Variants in STK25 observed in about 807,000 individuals in gnomAD.
STK25 encodes the protein serine/threonine kinase 25, also known as serine/threonine-protein kinase 25.
STK25 carries 29 observed loss-of-function variants against 53.8 expected under a neutral mutation model. That is an observed-to-expected ratio of 0.54 (90% CI 0.40 to 0.74). The LOEUF is 0.74. Among genes scored for constraint, STK25 ranks in the 30% least tolerant of loss-of-function variants. STK25 has a pLI of 0.00. For missense variants in STK25, 420 were observed against 568.0 expected, an observed-to-expected ratio of 0.74 and a Z score of 2.65; for synonymous variants, 247 against 238.3, an observed-to-expected ratio of 1.04 and a Z score of -0.33.
Position 241,500,763 on chromosome 2 carries a change from C to A in STK25, c.295G>T (p.Gly99Cys), listed in dbSNP as rs375673846. 40 of 1,613,874 alleles carry A rather than the reference C, an allele frequency of 2.5e-5. No homozygotes were observed. The highest frequency in any genetic ancestry group is 1.7e-5 in the Admixed American group (1 of 59,986). The change falls in exon 4 of 12, where the codon GGC becomes TGC. Residue 99 changes from glycine (G) to cysteine (C), a missense_variant. Coordinates refer to ENST00000316586, the MANE Select transcript of STK25 (RefSeq NM_001271977.2). Reference sequence around the variant, plus strand: ...ACCAAGTCCAGTGCTGAGCCGCCGCCCAGGTACTCCATGATGATCCATAGC... The same window carrying A: ...ACCAAGTCCAGTGCTGAGCCGCCGCACAGGTACTCCATGATGATCCATAGC... ...TKLWIIMEYLGGGSALDLLKP... is the reference protein window; with the variant it reads ...TKLWIIMEYLCGGSALDLLKP...
chr2:241,493,697 C>T lies in STK25; in HGVS notation c.*1965G>A, dbSNP rs1432301447. The T allele has an allele frequency of 1.3e-5, 7 of 532,518 alleles. No individual in the cohort carries two copies. Among genetic ancestry groups the T allele is most frequent in the Middle Eastern group, 5.0e-4 (1 of 2,000 alleles). The allele number at this position is 532,518 out of a possible 1,614,324, so 33.0% of individuals were successfully genotyped here. A position where few individuals can be genotyped will look rare whatever the true frequency, so the allele number is the denominator to read the frequency against. On this transcript the variant is annotated 3_prime_UTR_variant, in exon 12 of 12. Coordinates refer to ENST00000316586, the MANE Select transcript of STK25 (RefSeq NM_001271977.2). The stretch of plus-strand genomic sequence containing the variant: ...ATAACCTGCACCTCCAGGGTTCAAG[C>T]GATTCTTCTGCCTCAGCCTCCTGAG...
At position 241,495,340 on chromosome 2, in the gene STK25, G is replaced by T. The variant is rs2065087732; in HGVS notation, c.*322C>A. 2.9e-6 allele frequency: 1 copy of T among 343,726 alleles called. No individual in the cohort carries two copies. The highest frequency in any genetic ancestry group is 5.6e-5 in the East Asian group (1 of 18,008). 21.3% of individuals were successfully genotyped at this position (343,726 alleles called of 1,614,324 possible). ...CTGCGCCTTGGTCTGAGCGGCCATAGGGCTGCATGAGTCTGCAGAAGACCC... is the reference window on the plus strand; with the variant it reads ...CTGCGCCTTGGTCTGAGCGGCCATATGGCTGCATGAGTCTGCAGAAGACCC... On this transcript the variant is annotated 3_prime_UTR_variant, in exon 12 of 12. Coordinates refer to ENST00000316586, the MANE Select transcript of STK25 (RefSeq NM_001271977.2).
chr2:241,494,058 G>A lies in STK25; in HGVS notation c.*1604C>T. 5.6e-6 allele frequency: 8 copies of A among 1,429,050 alleles called. No individual in the cohort carries two copies. Among genetic ancestry groups the A allele is most frequent in the Non-Finnish European group, 7.3e-6 (8 of 1,091,574 alleles). 88.5% of individuals were successfully genotyped at this position (1,429,050 alleles called of 1,614,324 possible). The stretch of plus-strand genomic sequence containing the variant: ...AGCAGCTCAGCCGGGAGGGCCCCAA[G>A]CATCGTGCAGGATGGCCCCCAACCC... On this transcript the variant is annotated 3_prime_UTR_variant, in exon 12 of 12. Coordinates refer to ENST00000316586, the MANE Select transcript of STK25 (RefSeq NM_001271977.2). The surrounding 1 kb of genome is among the most constrained non-coding windows in gnomAD (Gnocchi z 4.9).
In STK25 at chr2:241,500,776, G is replaced by C; in HGVS notation, c.282C>G (p.Ile94Met). ...SYLKSTKLWI[I>M]MEYLGGGSAL... ...CTGAGCCGCCGCCCAGGTACTCCAT[G>C]ATGATCCATAGCTTGGTGCTCTGGG... The change falls in exon 4 of 12, where the codon ATC (isoleucine) becomes ATG (methionine). Residue 94 changes from isoleucine (I) to methionine (M), a missense_variant. Physicochemically the swap from Ile to Met is conservative, Grantham distance 10. Transcript: ENST00000316586. The C allele has an allele frequency of 6.2e-7, 1 of 1,613,998 alleles. No homozygotes were observed. The highest frequency in any genetic ancestry group is 8.5e-7 in the Non-Finnish European group (1 of 1,179,946).
Position 241,492,998 on chromosome 2 carries a change from T to C in STK25, c.*2664A>G. The C allele has an allele frequency of 6.2e-7, 1 of 1,610,994 alleles. No homozygotes were observed. The highest frequency in any genetic ancestry group is 8.5e-7 in the Non-Finnish European group (1 of 1,177,172). ...TGGCTGGCAGAAGCTCTGGGTCGTC[T>C]TTACCAACTTCTGTTTGTTCTTCTA... On this transcript the variant is annotated 3_prime_UTR_variant, in exon 12 of 12. Coordinates refer to ENST00000316586, the MANE Select transcript of STK25 (RefSeq NM_001271977.2).
At chr2:241,506,244 A>G (rs754417282) in intron 2 of STK25, among the ~76,000 whole-genome samples, 2 of 152,234 alleles carry the variant, frequency 1.3e-5, no homozygotes, top group Non-Finnish European at 2.9e-5. Context: ...ACAGCCCCTC[A>G]GGTTTTCTGC....
intron 5 of STK25, 25 bp from the exon 6 acceptor site, chr2:241,499,439 G>A (rs375784712): frequency 1.9e-5 from 30 of 1,608,490 alleles, no homozygotes; most frequent in Non-Finnish European, 2.4e-5. Flanking sequence ...ACAGGCAGGC[G>A]TCATCCCAGG....
chr2:241,494,088 CAGGGCTGGA>C lies in STK25; in HGVS notation c.*1565_*1573del. 1 of 1,460,408 alleles carries C rather than the reference CAGGGCTGGA, an allele frequency of 6.8e-7. No individual in the cohort carries two copies. The highest frequency in any genetic ancestry group is 9.0e-7 in the Non-Finnish European group (1 of 1,112,184). 90.5% of individuals were successfully genotyped at this position (1,460,408 alleles called of 1,614,324 possible). A position where few individuals can be genotyped will look rare whatever the true frequency, so the allele number is the denominator to read the frequency against. On this transcript the variant is annotated 3_prime_UTR_variant, in exon 12 of 12. Coordinates refer to ENST00000316586, the MANE Select transcript of STK25 (RefSeq NM_001271977.2). This position sits in a 1 kb window ranked among gnomAD's most constrained non-coding sequence, Gnocchi z 4.9. ...GTGCAGGATGGCCCCCAACCCTCCT[CAGGGCTGGA>C]GGGGATGGTCAGGGGGAAGGAGGAA...
rs2065532277 is a variant in STK25 at position 241,501,836 on chromosome 2, ATTC to A, written c.31-131_31-129del. Reference sequence around the variant, plus strand: ...GGGGAGTCCAAGGGAGCGCACCTCAATTCTTCTCTGGTTTCTTCCTTTCTCCCT... The same window carrying A: ...GGGGAGTCCAAGGGAGCGCACCTCAATTCTCTGGTTTCTTCCTTTCTCCCT... On this transcript the variant is annotated intron_variant, in intron 2 of 11. Coordinates refer to ENST00000316586, the MANE Select transcript of STK25 (RefSeq NM_001271977.2). The surrounding 1 kb of genome is among the most constrained non-coding windows in gnomAD (Gnocchi z 5.3). 2 of 649,850 alleles carry A rather than the reference ATTC, an allele frequency of 3.1e-6. No individual in the cohort carries two copies. Among genetic ancestry groups the A allele is most frequent in the Non-Finnish European group, 5.3e-6 (2 of 378,004 alleles). The allele number at this position is 649,850 out of a possible 1,614,324, so 40.3% of individuals were successfully genotyped here.
Position 241,508,561 on chromosome 2 carries a change from G to T in STK25, c.-219C>A. The T allele has an allele frequency of 1.0e-6, 1 of 992,732 alleles. No homozygotes were observed. The highest frequency in any genetic ancestry group is 1.2e-6 in the Non-Finnish European group (1 of 834,226). The allele number at this position is 992,732 out of a possible 1,614,324, so 61.5% of individuals were successfully genotyped here. ...CCTCCCAGCCCGCGAAGCAACGGTG[G>T]TGGCGGCAGCGACCGGAGAAAGCCC... On this transcript the variant is annotated 5_prime_UTR_variant, in exon 1 of 12. Coordinates refer to ENST00000316586, the MANE Select transcript of STK25 (RefSeq NM_001271977.2).
Position 241,494,346 on chromosome 2 carries a change from A to T in STK25, c.*1316T>A. 5.6e-6 allele frequency: 2 copies of T among 355,704 alleles called. No individual in the cohort carries two copies. Among genetic ancestry groups the T allele is most frequent in the Non-Finnish European group, 1.0e-5 (2 of 193,944 alleles). The allele number at this position is 355,704 out of a possible 1,614,324, so 22.0% of individuals were successfully genotyped here. Reference sequence around the variant, plus strand: ...GCAGCTATCTGGGGCCCTGGGAAAAATGTGCGAGTCTTGAGCGCGGAGCCG... The same window carrying T: ...GCAGCTATCTGGGGCCCTGGGAAAATTGTGCGAGTCTTGAGCGCGGAGCCG... On this transcript the variant is annotated 3_prime_UTR_variant, in exon 12 of 12. Transcript: ENST00000316586. This position sits in a 1 kb window ranked among gnomAD's most constrained non-coding sequence, Gnocchi z 4.9.
rs2065957556 is a variant in STK25 at position 241,508,061 on chromosome 2, C to T, written c.-26G>A. On this transcript the variant is annotated 5_prime_UTR_variant, in exon 2 of 12. Coordinates refer to ENST00000316586, the MANE Select transcript of STK25 (RefSeq NM_001271977.2). ...GGCCGCGCCGCCTCAGACCCTCCGC[C>T]AGCAGCCCCAGGAGGCGTCTGGATC... The T allele has an allele frequency of 1.3e-6, 2 of 1,592,578 alleles. No individual in the cohort carries two copies. Among genetic ancestry groups the T allele is most frequent in the African/African-American group, 1.3e-5 (1 of 74,360 alleles).
Position 241,501,440 on chromosome 2 carries a change from C to G in STK25, c.261+38G>C. ...CTCTGACATGGAAGAGAGCCGGGCA[C>G]AGCACCAGCAGGGTCCCCGCCTCCC... On this transcript the variant is annotated intron_variant, in intron 3 of 11. Coordinates refer to ENST00000316586, the MANE Select transcript of STK25 (RefSeq NM_001271977.2). The surrounding 1 kb of genome is among the most constrained non-coding windows in gnomAD (Gnocchi z 5.3). The G allele has an allele frequency of 6.3e-7, 1 of 1,591,500 alleles. No individual in the cohort carries two copies. The highest frequency in any genetic ancestry group is 8.6e-7 in the Non-Finnish European group (1 of 1,162,814).
At position 241,494,962 on chromosome 2, in the gene STK25, G is replaced by A. The variant is rs554850407; in HGVS notation, c.*700C>T. ...TCTCTGCGTGCTGTGATGAGGACTCGGGACCAGGGACGCTGCAGCCCCGCA... is the reference window on the plus strand; with the variant it reads ...TCTCTGCGTGCTGTGATGAGGACTCAGGACCAGGGACGCTGCAGCCCCGCA... On this transcript the variant is annotated 3_prime_UTR_variant, in exon 12 of 12. Transcript: ENST00000316586. The surrounding 1 kb of genome is among the most constrained non-coding windows in gnomAD (Gnocchi z 4.9). 1 of 152,164 alleles carries A rather than the reference G, an allele frequency of 6.6e-6. No homozygotes were observed. The highest frequency in any genetic ancestry group is 2.4e-5 in the African/African-American group (1 of 41,510). The allele number at this position is 152,164 out of a possible 1,614,324, so 9.4% of individuals were successfully genotyped here. A position where few individuals can be genotyped will look rare whatever the true frequency, so the allele number is the denominator to read the frequency against.
At chr2:241,499,587 G>A (rs2065380494) in intron 5 of STK25, 173 bp from the exon 6 acceptor site, 1 of 778,816 alleles carries the variant, frequency 1.3e-6, no homozygotes, top group Non-Finnish European at 2.0e-6. Context: ...AGGGCCACAG[G>A]GGCACTGCCA....
chr2:241,495,393 C>A lies in STK25; in HGVS notation c.*269G>T. ...GCGTAGCTCATGAGGGCCACGCCGGCGGCTGGAGCCCCCGTGAGCAATACT... is the reference window on the plus strand; with the variant it reads ...GCGTAGCTCATGAGGGCCACGCCGGAGGCTGGAGCCCCCGTGAGCAATACT... On this transcript the variant is annotated 3_prime_UTR_variant, in exon 12 of 12. Transcript: ENST00000316586. 1 of 481,010 alleles carries A rather than the reference C, an allele frequency of 2.1e-6. No individual in the cohort carries two copies. The highest frequency in any genetic ancestry group is 3.5e-5 in the East Asian group (1 of 28,792). The allele number at this position is 481,010 out of a possible 1,614,324, so 29.8% of individuals were successfully genotyped here.
Position 241,501,535 on chromosome 2 carries a change from A to G in STK25, c.204T>C (p.Thr68=). The change falls in exon 3 of 12, where the codon ACT becomes ACC. Residue 68 remains threonine, a synonymous_variant. Coordinates refer to ENST00000316586, the MANE Select transcript of STK25 (RefSeq NM_001271977.2). This position sits in a 1 kb window ranked among gnomAD's most constrained non-coding sequence, Gnocchi z 5.3. ...AGGGGCTGTCGCACTGACTGAGGAC[A>G]GTGATCTCCTGCTGGATGTCCTCGA... The part of the protein sequence containing the change: ...DEIEDIQQEI[T]VLSQCDSPYI... 6.2e-7 allele frequency: 1 copy of G among 1,614,140 alleles called. No individual in the cohort carries two copies. The highest frequency in any genetic ancestry group is 1.3e-5 in the African/African-American group (1 of 75,066).
chr2:241,496,319 A>G lies in STK25; in HGVS notation c.1241+79T>C. ...AGTGCCAAATGCAGCCACACCCACG[A>G]GTGAGCACTGGACCTCACCCCACGT... On this transcript the variant is annotated intron_variant, in intron 11 of 11. Transcript: ENST00000316586. The surrounding 1 kb of genome is among the most constrained non-coding windows in gnomAD (Gnocchi z 5.8). The G allele has an allele frequency of 2.0e-6, 3 of 1,524,250 alleles. No homozygotes were observed. The highest frequency in any genetic ancestry group is 8.9e-7 in the Non-Finnish European group (1 of 1,118,248). The allele number at this position is 1,524,250 out of a possible 1,614,324, so 94.4% of individuals were successfully genotyped here. A position where few individuals can be genotyped will look rare whatever the true frequency, so the allele number is the denominator to read the frequency against.
At chr2:241,507,082 G>A (rs2065875418) in intron 2 of STK25, among the ~76,000 whole-genome samples, 2 of 152,206 alleles carry the variant, frequency 1.3e-5, no homozygotes, top group Non-Finnish European at 2.9e-5. Flanking sequence ...TCAGCACATA[G>A]GAGTGAACAA....
Sources: gnomAD v4.1 joint callset for allele counts (sites outside exome capture counted in the v4.1 genomes callset) on GRCh38, gnomAD v4.1.1 for gene constraint, Gnocchi (gnomAD v3.1) non-coding constraint, MANE v1.5 for transcripts, NCBI Gene and HGNC (gene_info 2026-07-23, HGNC 2026-07-21) for gene names.